Variants in SCNN1B observed in about 807,000 individuals in gnomAD.
The protein encoded by SCNN1B is epithelial sodium channel subunit beta.
A neutral mutation model predicts 65.3 loss-of-function variants in SCNN1B; 46 were observed. That is an observed-to-expected ratio of 0.70 (90% confidence interval 0.56 to 0.90). The LOEUF is 0.90. SCNN1B is among the 40% of genes least tolerant of loss of function. The pLI is 0.00. For missense variants in SCNN1B, 751 were observed against 830.5 expected (o/e 0.90, Z 1.18); for synonymous variants, 349 against 330.6 (o/e 1.06, Z -0.60).
intron 2 of SCNN1B, 89 bp from the exon 3 acceptor site, chr16:23,352,712 C>G: frequency 7.1e-7 from 1 of 1,416,760 alleles, no homozygotes; most frequent in Non-Finnish European, 9.9e-7. Context: ...AGTGTGAAAA[C>G]AGACTACTAT....
chr16:23,357,076 G>A (rs1302443393), intron 4 of SCNN1B, among the ~76,000 whole-genome samples: 3 of 152,206 alleles, frequency 2.0e-5, no homozygotes, highest in Admixed American at 6.5e-5. Context: ...TCTGAGATTC[G>A]ATGGTATCCT....
At chr16:23,298,696 C>A (rs1198398905), upstream of SCNN1B, among the ~76,000 whole-genome samples, 1 of 152,226 alleles carries the variant, frequency 6.6e-6, no homozygotes, top group Non-Finnish European at 1.5e-5. Context: ...TGGTGTCAGA[C>A]TGTAGACCCT....
Position 23,380,954 on chromosome 16 carries a change from G to A in SCNN1B, c.*153G>A, listed in dbSNP as rs1963039793. 2.4e-6 allele frequency: 2 copies of A among 817,360 alleles called. No individual in the cohort carries two copies. The allele number at this position is 817,360 out of a possible 1,614,324, so 50.6% of individuals were successfully genotyped here. A position where few individuals can be genotyped will look rare whatever the true frequency, so the allele number is the denominator to read the frequency against. ...TTCAACAGAGAGGCCAGCGGCAACT[G>A]GTCCGTTACTGGCCAAGGGCTCTGT... On this transcript the variant is annotated 3_prime_UTR_variant, in exon 13 of 13. Coordinates refer to ENST00000343070, the MANE Select transcript of SCNN1B (RefSeq NM_000336.3). This position sits in a 1 kb window ranked among gnomAD's most constrained non-coding sequence, Gnocchi z 5.4.
intron 1 of SCNN1B, among the ~76,000 whole-genome samples, chr16:23,347,601 T>A (rs1274603467): frequency 6.6e-6 from 1 of 152,196 alleles, no homozygotes. Context: ...AAATATGAGC[T>A]ATACATACAT....
rs547638944 is a variant in SCNN1B at position 23,374,767 on chromosome 16, A to G, written c.1153-971A>G. On this transcript the variant is annotated intron_variant, in intron 7 of 12. Transcript: ENST00000343070. ...GGAGCCCGGGCTGCAGGAGGAACAG[A>G]AGAGGACTCAGGAGCGCAGGTGTGG... Among the ~76,000 whole-genome samples the G allele has an allele frequency of 2.0e-5, 3 of 151,804 alleles. No individual in the cohort carries two copies. The South Asian group carries it at 6.3e-4, about 32-fold the overall frequency.
chr16:23,320,961 T>A (rs1961574780), intron 1 of SCNN1B, among the ~76,000 whole-genome samples: 1 of 152,318 alleles, frequency 6.6e-6, no homozygotes, highest in Non-Finnish European at 1.5e-5. Context: ...GTCCTTGAAC[T>A]TGAGAGTGGT....
intron 1 of SCNN1B, among the ~76,000 whole-genome samples, chr16:23,318,764 C>T (rs960925429): frequency 1.3e-5 from 2 of 152,118 alleles, no homozygotes; most frequent in African/African-American, 2.4e-5. Flanking sequence ...TAAGGGCCAA[C>T]GAAATTGCCA....
At chr16:23,357,506 C>T (rs1962444803) in intron 4 of SCNN1B, among the ~76,000 whole-genome samples, 1 of 152,188 alleles carries the variant, frequency 6.6e-6, no homozygotes, top group Admixed American at 6.5e-5. Flanking sequence ...TCGCTTGAAC[C>T]CCAGGGGCGG....
At chr16:23,371,724 A>G (rs1028479510) in intron 6 of SCNN1B, 52 bp from the exon 7 acceptor site, 4 of 1,447,172 alleles carry the variant, frequency 2.8e-6, no homozygotes, top group Non-Finnish European at 3.9e-6. Context: ...AGGTGCAGAA[A>G]GGGCTTCCTG....
intron 2 of SCNN1B, among the ~76,000 whole-genome samples, chr16:23,290,531 C>A (rs1403480449): frequency 6.6e-6 from 1 of 152,146 alleles, no homozygotes; most frequent in Non-Finnish European, 1.5e-5. Context: ...TGTTCTCAAA[C>A]GCCTGGACTC....
chr16:23,308,359 T>C (rs187519258), intron 1 of SCNN1B, among the ~76,000 whole-genome samples: 266 of 152,144 alleles, frequency 1.7e-3, no homozygotes, highest in African/African-American at 6.2e-3. Flanking sequence ...TCCATCTCTG[T>C]ACAAAATTTA....
intron 1 of SCNN1B, among the ~76,000 whole-genome samples, chr16:23,324,893 AC>A (rs980954529): frequency 1.3e-5 from 2 of 151,726 alleles, no homozygotes; most frequent in South Asian, 2.1e-4. Context: ...CACCATTGGC[AC>A]CCCCCCAAGT....
chr16:23,279,126 G>C (rs1960748796), intron 1 of SCNN1B, among the ~76,000 whole-genome samples: 2 of 151,854 alleles, frequency 1.3e-5, no homozygotes, highest in East Asian at 3.9e-4. Flanking sequence ...ACCCAGGCTG[G>C]AGTGCAGTGG....
intron 1 of SCNN1B, among the ~76,000 whole-genome samples, chr16:23,330,985 GA>G: frequency 6.6e-6 from 1 of 152,306 alleles, no homozygotes; most frequent in East Asian, 1.9e-4. Flanking sequence ...CATGCTCCCT[GA>G]AAGGTGTGGC....
chr16:23,347,171 G>A (rs1219091959), intron 1 of SCNN1B, among the ~76,000 whole-genome samples: 1 of 152,152 alleles, frequency 6.6e-6, no homozygotes, highest in East Asian at 1.9e-4. Flanking sequence ...AATGCCTCTA[G>A]CATCTCAGGG....
intron 1 of SCNN1B, among the ~76,000 whole-genome samples, chr16:23,281,424 C>G (rs561570460): frequency 6.6e-6 from 1 of 152,256 alleles, no homozygotes; most frequent in East Asian, 1.9e-4. Context: ...CAGAGCAAGA[C>G]TCTGTCTCAA....
chr16:23,315,925 C>A (rs1961444084), intron 1 of SCNN1B, among the ~76,000 whole-genome samples: 1 of 151,544 alleles, frequency 6.6e-6, no homozygotes, highest in Non-Finnish European at 1.5e-5. Context: ...CATTACCATC[C>A]TCATAGTCAC....
chr16:23,359,815 C>A lies in SCNN1B; in HGVS notation c.776+4326C>A, dbSNP rs112405561. ...CTGGAAAGTGGGGACAGTGAAATAACCACATAGCATTATTGGGGGATTAAA... is the reference window on the plus strand; with the variant it reads ...CTGGAAAGTGGGGACAGTGAAATAAACACATAGCATTATTGGGGGATTAAA... On this transcript the variant is annotated intron_variant, in intron 4 of 12. Coordinates refer to ENST00000343070, the MANE Select transcript of SCNN1B (RefSeq NM_000336.3). Among the ~76,000 whole-genome samples the A allele has an allele frequency of 5.3e-5, 8 of 152,348 alleles. 1 individual carries two copies. The highest frequency in any genetic ancestry group is 1.4e-4 in the African/African-American group (6 of 41,580).
intron 2 of SCNN1B, among the ~76,000 whole-genome samples, chr16:23,289,618 A>G (rs1960894761): frequency 2.0e-5 from 3 of 151,596 alleles, no homozygotes; most frequent in Admixed American, 6.6e-5. Context: ...ATGGAATCAA[A>G]TGGACCTACT....
Sources: allele counts gnomAD v4.1 joint callset (sites outside exome capture counted in the v4.1 genomes callset), GRCh38; gene constraint gnomAD v4.1.1; non-coding constraint Gnocchi (gnomAD v3.1); transcripts MANE v1.5; gene names NCBI Gene and HGNC (gene_info 2026-07-23, HGNC 2026-07-21).